The following ROBO2 variants were observed in gnomAD, a reference collection of about 807,000 sequenced individuals.
The protein encoded by ROBO2 is roundabout guidance receptor 2.
In ROBO2, 53 loss-of-function variants were observed where a neutral mutation model predicts 160.8. That is an observed-to-expected ratio of 0.33 (90% CI 0.26 to 0.41). ROBO2 has a LOEUF of 0.41. Ranked by LOEUF, ROBO2 falls within the 10% of genes least tolerant of loss-of-function variation. The pLI, the probability that ROBO2 is intolerant of heterozygous loss-of-function variation, is 1.00. For synonymous variants in ROBO2, 664 were observed against 611.7 expected (o/e 1.09, Z -1.26); for missense variants, 1,577 against 1,722.4 (o/e 0.92, Z 1.49).
chr3:76,920,000 G>A (rs898430638), intron 2 of ROBO2, among the ~76,000 whole-genome samples: 5 of 152,076 alleles, frequency 3.3e-5, no homozygotes, highest in Non-Finnish European at 7.4e-5. Context: ...TATCAAGGAT[G>A]GCAACATAAT....
At chr3:76,359,899 G>C (rs960942762) in intron 2 of ROBO2, among the ~76,000 whole-genome samples, 2 of 151,976 alleles carry the variant, frequency 1.3e-5, no homozygotes, top group South Asian at 2.1e-4. Context: ...ATTATATGCA[G>C]TCTAAATATG....
intron 2 of ROBO2, among the ~76,000 whole-genome samples, chr3:76,925,142 C>T (rs1041358771): frequency 1.1e-3 from 157 of 141,464 alleles, no homozygotes; most frequent in Admixed American, 1.4e-3. Flanking sequence ...ACCCGGGAGG[C>T]GGAGCTTGCA....
Position 76,697,842 on chromosome 3 carries a change from GA to G in ROBO2, c.110-400163del, listed in dbSNP as rs949113943. ...TACAAGCCACCTCAAAAGAGCGAAG[GA>G]AAAAAAAATTGAGGGAACTGTGATA... On this transcript the variant is annotated intron_variant, in intron 2 of 26. Transcript: ENST00000487694. Among the ~76,000 whole-genome samples the G allele has an allele frequency of 4.6e-5, 7 of 150,678 alleles. No homozygotes were observed. The East Asian group carries it at 5.8e-4, about 12-fold the overall frequency.
At chr3:76,523,031 T>A (rs2081725775) in intron 2 of ROBO2, among the ~76,000 whole-genome samples, 1 of 148,258 alleles carries the variant, frequency 6.7e-6, no homozygotes. Flanking sequence ...ATTTTATATA[T>A]GTATATATTA....
At chr3:76,400,308 G>C (rs1007083554) in intron 2 of ROBO2, among the ~76,000 whole-genome samples, 2 of 151,526 alleles carry the variant, frequency 1.3e-5, no homozygotes, top group African/African-American at 2.4e-5. Context: ...ATTAATATTT[G>C]TAGATTCTCT....
intron 2 of ROBO2, among the ~76,000 whole-genome samples, chr3:77,243,174 A>G (rs913813739): frequency 2.6e-5 from 4 of 152,146 alleles, no homozygotes; most frequent in African/African-American, 9.7e-5. Flanking sequence ...TTAATTTCCC[A>G]TAAATAATAA....
chr3:76,612,023 C>A (rs971590945), intron 2 of ROBO2, among the ~76,000 whole-genome samples: 1 of 152,164 alleles, frequency 6.6e-6, no homozygotes, highest in African/African-American at 2.4e-5. Flanking sequence ...ACCCATTGGT[C>A]ATTCAGAAGC....
intron 2 of ROBO2, among the ~76,000 whole-genome samples, chr3:76,417,599 T>C (rs1195507439): frequency 6.6e-6 from 1 of 152,106 alleles, no homozygotes; most frequent in Non-Finnish European, 1.5e-5. Flanking sequence ...TTTATTCAAA[T>C]AATTGGGGAA....
intron 2 of ROBO2, among the ~76,000 whole-genome samples, chr3:76,282,965 TTTTC>T (rs1002225731): frequency 3.3e-5 from 5 of 150,190 alleles, no homozygotes; most frequent in East Asian, 3.9e-4. Context: ...TTGAGATATT[TTTTC>T]TTTATTTTAT....
chr3:77,180,279 T>C (rs867790259), intron 2 of ROBO2, among the ~76,000 whole-genome samples: 2 of 151,482 alleles, frequency 1.3e-5, no homozygotes, highest in Non-Finnish European at 2.9e-5. Flanking sequence ...TTGAATCAAG[T>C]GTGGAAGGAA....
intron 2 of ROBO2, among the ~76,000 whole-genome samples, chr3:76,322,163 CGTATATATATATAT>C (rs2072586002): frequency 2.5e-5 from 1 of 40,158 alleles, no homozygotes; most frequent in African/African-American, 9.3e-5. Context: ...CTACTTCTTC[CGTATATATATATAT>C]ATATATATAT....
intron 5 of ROBO2, among the ~76,000 whole-genome samples, chr3:77,522,042 A>C (rs2090651222): frequency 1.3e-5 from 2 of 151,462 alleles, no homozygotes; most frequent in African/African-American, 4.8e-5. Context: ...TGGATTATTT[A>C]GTTTGTGTAA....
chr3:77,567,973 T>C (rs2093533297), intron 12 of ROBO2, among the ~76,000 whole-genome samples: 1 of 152,180 alleles, frequency 6.6e-6, no homozygotes, highest in African/African-American at 2.4e-5. Context: ...TCTAGAGATC[T>C]TTCTAGACTT....
At chr3:77,183,237 C>G (rs2080961783) in intron 2 of ROBO2, among the ~76,000 whole-genome samples, 1 of 152,046 alleles carries the variant, frequency 6.6e-6, no homozygotes, top group Admixed American at 6.6e-5. Context: ...TTCAGGAAAT[C>G]TAGAATTCCA....
intron 2 of ROBO2, among the ~76,000 whole-genome samples, chr3:77,135,391 T>A (rs2076197823): frequency 6.6e-6 from 1 of 152,128 alleles, no homozygotes; most frequent in Non-Finnish European, 1.5e-5. Context: ...GAAATCAATC[T>A]CTTTTTAATT....
At chr3:77,395,848 A>C (rs889320930) in intron 2 of ROBO2, among the ~76,000 whole-genome samples, 1 of 151,980 alleles carries the variant, frequency 6.6e-6, no homozygotes, top group African/African-American at 2.4e-5. Flanking sequence ...AGCGTCTTGT[A>C]TACTTCTTTA....
chr3:76,876,537 T>C (rs1391749006), intron 2 of ROBO2, among the ~76,000 whole-genome samples: 1 of 152,054 alleles, frequency 6.6e-6, no homozygotes, highest in Non-Finnish European at 1.5e-5. Flanking sequence ...GAGCCAGGCA[T>C]GGTGGTGCAT....
chr3:77,501,837 T>C (rs1353084759), intron 5 of ROBO2, among the ~76,000 whole-genome samples: 2 of 152,196 alleles, frequency 1.3e-5, no homozygotes, highest in African/African-American at 2.4e-5. Context: ...CTTATTTATA[T>C]TTTAGACATA....
chr3:75,920,674 T>C (rs1466874348), intron 1 of ROBO2, among the ~76,000 whole-genome samples: 2 of 152,150 alleles, frequency 1.3e-5, no homozygotes, highest in Non-Finnish European at 2.9e-5. Context: ...AGTCTCCTTG[T>C]AGGTCTCTAA....
Sources: allele counts gnomAD v4.1 joint callset (sites outside exome capture counted in the v4.1 genomes callset), GRCh38; gene constraint gnomAD v4.1.1; transcripts MANE v1.5; gene names NCBI Gene and HGNC (gene_info 2026-07-23, HGNC 2026-07-21).